The following MOBP variants were observed in gnomAD, a reference collection of about 807,000 sequenced individuals.
The protein encoded by MOBP is myelin associated oligodendrocyte basic protein, also known as myelin-associated oligodendrocyte basic protein.
In MOBP, 5 loss-of-function variants were observed where a neutral mutation model predicts 15.0. The ratio of observed to expected loss-of-function variants is 0.33; its 90% confidence interval spans 0.17 to 0.70. MOBP has a LOEUF of 0.70. Ranked by LOEUF, MOBP falls within the 30% of genes least tolerant of loss-of-function variation. The probability of loss-of-function intolerance (pLI) is 0.67; values close to 1 mark genes in which losing one functional copy is unlikely to be tolerated. For synonymous variants in MOBP, 88 were observed against 99.0 expected (o/e 0.89, Z 0.66); for missense variants, 188 against 257.8 (o/e 0.73, Z 1.85).
downstream of MOBP, among the ~76,000 whole-genome samples, chr3:39,505,046 G>A (rs973908256): frequency 2.6e-5 from 4 of 152,220 alleles, no homozygotes; most frequent in Non-Finnish European, 5.9e-5. Flanking sequence ...AAACATGGTA[G>A]CATTCATAAT....
intron 3 of MOBP, among the ~76,000 whole-genome samples, chr3:39,524,029 AAT>A (rs1188264111): frequency 6.6e-6 from 1 of 152,236 alleles, no homozygotes; most frequent in Non-Finnish European, 1.5e-5. Context: ...CCTAGATGGA[AAT>A]ATGTTTTCTG....
At chr3:39,472,741 C>T (rs889580494) in intron 1 of MOBP, among the ~76,000 whole-genome samples, 1 of 152,154 alleles carries the variant, frequency 6.6e-6, no homozygotes, top group Non-Finnish European at 1.5e-5. Context: ...GCCTGGGCAA[C>T]ATGGGGGGAC....
downstream of MOBP, among the ~76,000 whole-genome samples, chr3:39,507,889 T>C (rs376963802): frequency 6.6e-6 from 1 of 152,224 alleles, no homozygotes; most frequent in South Asian, 2.1e-4. Context: ...GACTCCACTT[T>C]CCTCGCTTTC....
At chr3:39,480,714 G>A (rs1018291543) in intron 2 of MOBP, among the ~76,000 whole-genome samples, 9 of 152,082 alleles carry the variant, frequency 5.9e-5, no homozygotes, top group African/African-American at 1.4e-4. Context: ...CTCCTCCTTC[G>A]CTGATGGTTT....
At chr3:39,494,766 A>G (rs868423450) in intron 2 of MOBP, among the ~76,000 whole-genome samples, 1 of 132,288 alleles carries the variant, frequency 7.6e-6, no homozygotes, top group African/African-American at 2.8e-5. Flanking sequence ...ACTTTATTTC[A>G]TTTCATATTT....
intron 2 of MOBP, among the ~76,000 whole-genome samples, chr3:39,497,512 G>C (rs2042903884): frequency 6.6e-6 from 1 of 152,242 alleles, no homozygotes; most frequent in Non-Finnish European, 1.5e-5. Context: ...GCACAAAACA[G>C]TGTTGGACCT....
Position 39,496,052 on chromosome 3 carries a change from G to A in MOBP, c.-4-6014G>A, listed in dbSNP as rs1367034712. Among the ~76,000 whole-genome samples the A allele has an allele frequency of 3.9e-5, 6 of 152,012 alleles. No individual in the cohort carries two copies. The East Asian group carries it at 9.6e-4, about 24-fold the overall frequency. On this transcript the variant is annotated intron_variant, in intron 2 of 3. Coordinates refer to ENST00000684792, the MANE Select transcript of MOBP (RefSeq NM_001393704.1). ...ATGATTTTTTCAATAATATAAATTT[G>A]AAAAATATGTAAGGTGTGGTCCTAC...
At chr3:39,487,703 T>G (rs2042736831) in intron 2 of MOBP, among the ~76,000 whole-genome samples, 1 of 151,814 alleles carries the variant, frequency 6.6e-6, no homozygotes, top group Non-Finnish European at 1.5e-5. Context: ...TTTTGTATTT[T>G]TAGTAGAGAC....
intron 1 of MOBP, among the ~76,000 whole-genome samples, chr3:39,475,520 T>G (rs1398665): frequency 0.094 from 14,297 of 152,200 alleles, 1,163 homozygotes; most frequent in African/African-American, 0.21. Context: ...ATTTTCTATT[T>G]CTCTCATTAC....
exon 5 of MOBP, chr3:39,513,584 G>C: frequency 4.2e-6 from 3 of 710,920 alleles, no homozygotes; most frequent in South Asian, 3.8e-5. Flanking sequence ...TGGCATGGGG[G>C]CCTCAGGGCA....
chr3:39,502,202 A>G lies in MOBP; in HGVS notation c.133A>G (p.Ser45Gly). The G allele has an allele frequency of 6.2e-7, 1 of 1,614,240 alleles. No individual in the cohort carries two copies. The highest frequency in any genetic ancestry group is 8.5e-7 in the Non-Finnish European group (1 of 1,180,034). ...SKKEIVDRKY[S>G]ICKSGCFYQK... ...GAAGGAGATAGTGGATCGGAAATAC[A>G]GCATCTGTAAGAGCGGCTGCTTCTA... Residue 45 changes from serine to glycine, a missense_variant, in exon 3 of 4, where the codon AGC becomes GGC. Transcript: ENST00000684792. This position sits in a 1 kb window ranked among gnomAD's most constrained non-coding sequence, Gnocchi z 6.3.
At chr3:39,528,371 T>G (rs1016528844), downstream of MOBP, 3 of 149,580 alleles carry the variant, frequency 2.0e-5, no homozygotes, top group Non-Finnish European at 2.9e-5. Flanking sequence ...GGAAGAATAG[T>G]TGATTCCATA....
At chr3:39,486,312 C>A (rs1421822900) in intron 2 of MOBP, among the ~76,000 whole-genome samples, 2 of 152,044 alleles carry the variant, frequency 1.3e-5, no homozygotes, top group East Asian at 3.9e-4. Flanking sequence ...TACGTGAAGC[C>A]CTTGAACAGT....
rs1217235124 is a variant in MOBP at position 39,502,690 on chromosome 3, C to A, written c.362C>A (p.Pro121Gln). 2 of 1,511,974 alleles carry A rather than the reference C, an allele frequency of 1.3e-6. No individual in the cohort carries two copies. The highest frequency in any genetic ancestry group is 2.4e-5 in the East Asian group (1 of 40,844). The allele number at this position is 1,511,974 out of a possible 1,614,324, so 93.7% of individuals were successfully genotyped here. A position where few individuals can be genotyped will look rare whatever the true frequency, so the allele number is the denominator to read the frequency against. The part of the protein sequence containing the change: ...PRSERQPRSP[P>Q]RSERQPRSPP... Reference sequence around the variant, plus strand: ...TCTGAGCGTCAGCCACGGTCCCCTCCGAGGTCTGAGCGTCAGCCACGGTCC... The same window carrying A: ...TCTGAGCGTCAGCCACGGTCCCCTCAGAGGTCTGAGCGTCAGCCACGGTCC... Residue 121 changes from proline (P) to glutamine (Q), a missense_variant, in exon 4 of 4, where the codon CCG (proline) becomes CAG (glutamine). Pro to Gln is a moderately conservative substitution (Grantham distance 76, BLOSUM62 -1). Coordinates refer to ENST00000684792, the MANE Select transcript of MOBP (RefSeq NM_001393704.1). The surrounding 1 kb of genome is among the most constrained non-coding windows in gnomAD (Gnocchi z 6.3).
Position 39,468,800 on chromosome 3 carries a change from A to ATACATATGTGTGTGTATACATAT in MOBP, c.-89+1074_-89+1096dup, listed in dbSNP as rs1336390769. 3.3e-5 allele frequency among the ~76,000 whole-genome samples: 4 copies of ATACATATGTGTGTGTATACATAT among 122,624 alleles called. 2 individuals are homozygous for ATACATATGTGTGTGTATACATAT. The highest frequency in any genetic ancestry group is 3.0e-4 in the Admixed American group (4 of 13,204). The allele number at this position is 122,624 out of a possible 152,430, so 80.4% of individuals were successfully genotyped here. ...TACATATATACATGTGTGTGTATAT[A>ATACATATGTGTGTGTATACATAT]TACATATGTGTGTGTATACATATTA... On this transcript the variant is annotated intron_variant, in intron 1 of 3. Coordinates refer to ENST00000684792, the MANE Select transcript of MOBP (RefSeq NM_001393704.1).
downstream of MOBP, chr3:39,526,586 A>G (rs984347940): frequency 5.3e-5 from 8 of 152,296 alleles, no homozygotes; most frequent in African/African-American, 1.9e-4. Flanking sequence ...CTGGAATATG[A>G]CTGATAATTC....
chr3:39,502,981 C>G lies in MOBP; in HGVS notation c.*101C>G. The G allele has an allele frequency of 6.5e-6, 4 of 616,020 alleles. No homozygotes were observed. The South Asian group carries it at 8.2e-5, about 13-fold the overall frequency. 38.2% of individuals were successfully genotyped at this position (616,020 alleles called of 1,614,324 possible). On this transcript the variant is annotated 3_prime_UTR_variant, in exon 4 of 4. Coordinates refer to ENST00000684792, the MANE Select transcript of MOBP (RefSeq NM_001393704.1). This position sits in a 1 kb window ranked among gnomAD's most constrained non-coding sequence, Gnocchi z 6.3. ...CCATGGCCCTCTTCAGCCTTATTAC[C>G]CAACCTGTGTAATCAGCTCCCTCCA...
chr3:39,500,892 G>A (rs1404841734), intron 2 of MOBP, among the ~76,000 whole-genome samples: 1 of 152,146 alleles, frequency 6.6e-6, no homozygotes, highest in Non-Finnish European at 1.5e-5. Context: ...ATTTTTGCAT[G>A]ATAAAATCAA....
At chr3:39,475,868 T>C (rs1348164325) in intron 1 of MOBP, among the ~76,000 whole-genome samples, 1 of 152,240 alleles carries the variant, frequency 6.6e-6, no homozygotes, top group East Asian at 1.9e-4. Flanking sequence ...TTGGACACTT[T>C]ACCAGTGTAG....
Sources: allele counts gnomAD v4.1 joint callset (sites outside exome capture counted in the v4.1 genomes callset), GRCh38; gene constraint gnomAD v4.1.1; non-coding constraint Gnocchi (gnomAD v3.1); transcripts MANE v1.5; gene names NCBI Gene and HGNC (gene_info 2026-07-23, HGNC 2026-07-21).